Variants in ERAP1 observed in about 807,000 individuals in gnomAD.
ERAP1 encodes the protein adipocyte-derived leucine aminopeptidase.
In ERAP1, 86 loss-of-function variants were observed where a neutral mutation model predicts 103.7. The ratio of observed to expected loss-of-function variants is 0.83; its 90% CI spans 0.70 to 0.99. ERAP1 has a LOEUF of 0.99. Ranked by LOEUF, ERAP1 falls within the 50% of genes least tolerant of loss-of-function variation. The pLI is 0.00. For missense variants in ERAP1, 1,009 were observed against 1,128.4 expected (o/e 0.89, Z 1.52); for synonymous variants, 398 against 402.4 (o/e 0.99, Z 0.13).
the ERAP1 span, among the ~76,000 whole-genome samples, chr5:96,907,896 T>A: frequency 8.9e-4 from 129 of 144,722 alleles, no homozygotes; most frequent in Non-Finnish European, 1.5e-3. Flanking sequence ...AAAAAAAAAA[T>A]ATATATATAT....
chr5:96,854,979 A>ACT, the ERAP1 span, among the ~76,000 whole-genome samples: 8 of 151,582 alleles, frequency 5.3e-5, no homozygotes, highest in Admixed American at 2.0e-4. Context: ...CAGTTTTTCA[A>ACT]ACCACTAAAT....
rs751067094 is a variant in ERAP1, at chr5:96,786,532, G to A, written c.1697C>T (p.Pro566Leu). 2.5e-6 allele frequency: 4 copies of A among 1,611,766 alleles called. No homozygotes were observed. The South Asian group carries it at 3.3e-5, about 13-fold the overall frequency. The change falls in exon 12 of 19, where the codon CCA becomes CTA. Residue 566 changes from proline to leucine, a missense_variant. Pro to Leu is a moderately conservative substitution (Grantham distance 98). Around this residue, in one of 3 missense-constraint regions of ERAP1, gnomAD observed 611 missense variants for 651.7 expected, o/e 0.94. Coordinates refer to ENST00000443439, the MANE Select transcript of ERAP1 (RefSeq NM_001040458.3). ...APDTGYLWHV[P>L]LTFITSKSDM... ...GGATTTGCTGGTGATGAATGTCAAT[G>A]GAACATGCCACAGGTACCTAAAATA...
intron 18 of ERAP1, among the ~76,000 whole-genome samples, chr5:96,779,097 A>ACT (rs1385281418): frequency 6.6e-6 from 1 of 151,506 alleles, no homozygotes; most frequent in Non-Finnish European, 1.5e-5. Flanking sequence ...TATCCCAATC[A>ACT]CTCTCCTTGC....
chr5:96,917,439 T>G, the ERAP1 span: 4 of 1,587,506 alleles, frequency 2.5e-6, no homozygotes, highest in Non-Finnish European at 3.4e-6. Context: ...GTGTTAGTAA[T>G]TTTTTTCTTC....
At chr5:96,913,194 A>T in the ERAP1 span, 2 of 713,604 alleles carry the variant, frequency 2.8e-6, no homozygotes, top group East Asian at 6.0e-5. Flanking sequence ...ACATTAAAAA[A>T]TTGGTAATTA....
At chr5:96,793,270 TA>T in intron 7 of ERAP1, 129 bp downstream of exon 7, 1 of 767,602 alleles carries the variant, frequency 1.3e-6, no homozygotes, top group Non-Finnish European at 2.3e-6. Flanking sequence ...GATTCATATC[TA>T]AACTGTCAAG....
intron 7 of ERAP1, among the ~76,000 whole-genome samples, chr5:96,792,739 ACAGG>A (rs1245243946): frequency 6.6e-6 from 1 of 152,220 alleles, no homozygotes; most frequent in African/African-American, 2.4e-5. Flanking sequence ...AATTATGTAC[ACAGG>A]CAGATGAAAA....
At chr5:96,849,243 T>C in the ERAP1 span, among the ~76,000 whole-genome samples, 1 of 152,196 alleles carries the variant, frequency 6.6e-6, no homozygotes, top group African/African-American at 2.4e-5. Context: ...CACTTTTATT[T>C]AACATAGTAC....
chr5:96,832,020 T>C, the ERAP1 span, among the ~76,000 whole-genome samples: 1 of 152,252 alleles, frequency 6.6e-6, no homozygotes, highest in Non-Finnish European at 1.5e-5. Flanking sequence ...GAGAAAATTA[T>C]GGAAGCTGCT....
chr5:96,900,416 C>G, the ERAP1 span, among the ~76,000 whole-genome samples: 10 of 152,124 alleles, frequency 6.6e-5, no homozygotes, highest in African/African-American at 9.7e-5. Context: ...TCCCACAACC[C>G]CACTGCTAGC....
intron 8 of ERAP1, among the ~76,000 whole-genome samples, chr5:96,791,403 A>G (rs1053540933): frequency 2.6e-5 from 4 of 152,206 alleles, no homozygotes; most frequent in African/African-American, 9.6e-5. Flanking sequence ...CGGTAAAACA[A>G]CAGCCAAGCA....
chr5:96,763,121 G>T, exon 20 of ERAP1: 1 of 779,288 alleles, frequency 1.3e-6, no homozygotes, highest in Admixed American at 1.7e-5. Context: ...TAACTTTAGC[G>T]AAGTCAGCTA....
intron 19 of ERAP1, among the ~76,000 whole-genome samples, chr5:96,766,847 C>G (rs937097977): frequency 6.7e-6 from 1 of 148,506 alleles, no homozygotes; most frequent in African/African-American, 2.5e-5. Flanking sequence ...TGTACTGATT[C>G]ATTTTGGTGA....
the ERAP1 span, chr5:96,814,324 A>T: frequency 2.2e-6 from 1 of 456,192 alleles, no homozygotes; most frequent in East Asian, 6.9e-5. Flanking sequence ...AAAGAAAGGA[A>T]ATTATGCAAG....
chr5:96,866,027 C>T, the ERAP1 span, among the ~76,000 whole-genome samples: 1 of 152,342 alleles, frequency 6.6e-6, no homozygotes, highest in East Asian at 1.9e-4. Flanking sequence ...TACATACTTA[C>T]AGCAATTGTA....
At chr5:96,798,065 C>G (rs1777542038) in intron 3 of ERAP1, among the ~76,000 whole-genome samples, 1 of 152,116 alleles carries the variant, frequency 6.6e-6, no homozygotes, top group Non-Finnish European at 1.5e-5. Flanking sequence ...GTGGCTCACA[C>G]CTGTAATCCC....
intron 18 of ERAP1, among the ~76,000 whole-genome samples, chr5:96,777,485 T>C (rs1473343098): frequency 6.6e-6 from 1 of 152,092 alleles, no homozygotes; most frequent in African/African-American, 2.4e-5. Context: ...TTTAGAAAGA[T>C]CAGAATTCAA....
At chr5:96,864,419 G>A in the ERAP1 span, among the ~76,000 whole-genome samples, 1 of 152,160 alleles carries the variant, frequency 6.6e-6, no homozygotes, top group African/African-American at 2.4e-5. Context: ...TATGGAAAAT[G>A]AGTGTACTTT....
At chr5:96,850,162 G>T in the ERAP1 span, among the ~76,000 whole-genome samples, 1 of 152,054 alleles carries the variant, frequency 6.6e-6, no homozygotes, top group African/African-American at 2.4e-5. Flanking sequence ...AAACATAAGG[G>T]AAAAGCTACC....
Sources: gnomAD v4.1 joint callset for allele counts (sites outside exome capture counted in the v4.1 genomes callset) on GRCh38, gnomAD v4.1.1 for gene constraint, gnomAD v4.1.1 regional missense constraint, MANE v1.5 for transcripts, NCBI Gene and HGNC (gene_info 2026-07-23, HGNC 2026-07-21) for gene names.